SYT2: variants seen among roughly 807,000 people sequenced by gnomAD.
SYT2 encodes synaptotagmin 2, also known as synaptotagmin-2.
Under a neutral mutation model 39.9 loss-of-function variants are expected in SYT2, and 15 were observed. The ratio of observed to expected loss-of-function variants is 0.38; its 90% CI spans 0.25 to 0.58. The LOEUF is 0.58. SYT2 is among the 20% of genes least tolerant of loss of function. The probability of loss-of-function intolerance (pLI) is 0.70; values close to 1 mark genes in which losing one functional copy is unlikely to be tolerated. For synonymous variants in SYT2, 181 were observed against 204.5 expected, an observed-to-expected ratio of 0.89 and a Z score of 0.98; for missense variants, 389 against 530.3, an observed-to-expected ratio of 0.73 and a Z score of 2.62.
At chr1:202,690,594 A>T (rs1486779301) in intron 1 of SYT2, among the ~76,000 whole-genome samples, 1 of 152,232 alleles carries the variant, frequency 6.6e-6, no homozygotes, top group Non-Finnish European at 1.5e-5. Context: ...CTGCTGAGAC[A>T]TGCTCAAGGA....
intron 1 of SYT2, among the ~76,000 whole-genome samples, chr1:202,668,359 G>C (rs1441467724): frequency 6.6e-6 from 1 of 152,194 alleles, no homozygotes; most frequent in East Asian, 1.9e-4. Flanking sequence ...AACAGTATAT[G>C]TGAAAGTGCT....
chr1:202,603,543 C>T (rs2149070091), intron 3 of SYT2, among the ~76,000 whole-genome samples: 1 of 152,270 alleles, frequency 6.6e-6, no homozygotes, highest in African/African-American at 2.4e-5. Flanking sequence ...TCCAGGCAGA[C>T]AGGAGCAGAG....
intron 1 of SYT2, among the ~76,000 whole-genome samples, chr1:202,617,044 C>T (rs749014750): frequency 3.9e-5 from 6 of 152,368 alleles, no homozygotes; most frequent in East Asian, 1.9e-4. Context: ...GCCGAAAGCC[C>T]TAGCGTGGCC....
Position 202,686,713 on chromosome 1 carries a change from C to A in SYT2, c.-18+23545G>T, listed in dbSNP as rs373906432. On this transcript the variant is annotated intron_variant, in intron 1 of 8. Coordinates refer to ENST00000367268, the MANE Select transcript of SYT2 (RefSeq NM_177402.5). ...TTCCTACGTCATTGTCCCAAACAGGCCCCTGATGCTAGCTCTCTGCCTCTT... is the reference window on the plus strand; with the variant it reads ...TTCCTACGTCATTGTCCCAAACAGGACCCTGATGCTAGCTCTCTGCCTCTT... Among the ~76,000 whole-genome samples the A allele has an allele frequency of 5.3e-5, 8 of 152,290 alleles. No individual in the cohort carries two copies. In the East Asian group the frequency reaches 7.7e-4, roughly 15 times the overall value.
In SYT2 at chr1:202,670,744, G is replaced by A. The variant is rs1006560601; in HGVS notation, c.-18+39514C>T. 1.1e-4 allele frequency among the ~76,000 whole-genome samples: 16 copies of A among 152,354 alleles called. No homozygotes were observed. In the East Asian group the frequency reaches 2.9e-3, roughly 27 times the overall value. The stretch of plus-strand genomic sequence containing the variant: ...ATGTTTGAAAGCAGCTGTCAAGGGA[G>A]CAGCATGAAAGGAAGGTGTCCCTGC... On this transcript the variant is annotated intron_variant, in intron 1 of 8. Coordinates refer to ENST00000367268, the MANE Select transcript of SYT2 (RefSeq NM_177402.5).
intron 1 of SYT2, among the ~76,000 whole-genome samples, chr1:202,685,078 C>T (rs989990268): frequency 6.6e-6 from 1 of 152,172 alleles, no homozygotes; most frequent in Non-Finnish European, 1.5e-5. Flanking sequence ...CAGTGGTCGC[C>T]TGTGAGGGGA....
At chr1:202,612,278 T>A (rs1370315956) in intron 1 of SYT2, among the ~76,000 whole-genome samples, 1 of 149,108 alleles carries the variant, frequency 6.7e-6, no homozygotes, top group East Asian at 1.9e-4. Context: ...CCACACTGAT[T>A]TTTTTTTTTA....
chr1:202,678,341 T>C (rs1439225302), intron 1 of SYT2, among the ~76,000 whole-genome samples: 1 of 151,498 alleles, frequency 6.6e-6, no homozygotes, highest in Non-Finnish European at 1.5e-5. Flanking sequence ...TTCTGCTCTG[T>C]TAACCTTTCT....
intron 1 of SYT2, among the ~76,000 whole-genome samples, chr1:202,624,948 GTGTGTGGTGTCTGTGTGTGGCA>G (rs1691334830): frequency 7.2e-6 from 1 of 138,244 alleles, no homozygotes; most frequent in South Asian, 2.5e-4. Flanking sequence ...TTTGTGTAGT[GTGTGTGGTGTCTGTGTGTGGCA>G]TGTGTGGTGT....
chr1:202,629,353 C>T (rs1691507113), intron 1 of SYT2, among the ~76,000 whole-genome samples: 2 of 152,202 alleles, frequency 1.3e-5, no homozygotes, highest in East Asian at 3.9e-4. Context: ...CTCCAGCCCA[C>T]CTTCCCCAAT....
chr1:202,606,331 C>G (rs1445286719), intron 1 of SYT2, among the ~76,000 whole-genome samples: 1 of 152,164 alleles, frequency 6.6e-6, no homozygotes, highest in African/African-American at 2.4e-5. Context: ...GCTAATCACT[C>G]TCCTATATCT....
chr1:202,648,685 G>A (rs1692136826), intron 1 of SYT2, among the ~76,000 whole-genome samples: 1 of 152,186 alleles, frequency 6.6e-6, no homozygotes, highest in African/African-American at 2.4e-5. Context: ...TGGGCTACCT[G>A]GGGGCTAAAG....
intron 1 of SYT2, among the ~76,000 whole-genome samples, chr1:202,694,216 C>T (rs189789641): frequency 3.4e-4 from 52 of 152,288 alleles, no homozygotes; most frequent in African/African-American, 5.8e-4. Context: ...TCCTTAGATG[C>T]CCCTGGGATA....
chr1:202,604,310 A>G (rs1289172419), intron 3 of SYT2, 145 bp downstream of exon 3: 2 of 766,824 alleles, frequency 2.6e-6, no homozygotes, highest in Admixed American at 2.3e-5. Context: ...ACGGTGTTAT[A>G]CTAGAGATGT....
intron 1 of SYT2, among the ~76,000 whole-genome samples, chr1:202,664,306 T>C (rs1412257128): frequency 6.6e-6 from 1 of 152,202 alleles, no homozygotes; most frequent in Non-Finnish European, 1.5e-5. Flanking sequence ...CTTCTTGGGT[T>C]TCCTGCATGC....
intron 1 of SYT2, among the ~76,000 whole-genome samples, chr1:202,645,932 AATTTCACTTG>A: frequency 6.6e-6 from 1 of 152,142 alleles, no homozygotes; most frequent in African/African-American, 2.4e-5. Flanking sequence ...TGATAATCTT[AATTTCACTTG>A]ATTCTTATCA....
At chr1:202,627,274 G>A (rs1052889052) in intron 1 of SYT2, among the ~76,000 whole-genome samples, 3 of 152,196 alleles carry the variant, frequency 2.0e-5, no homozygotes, top group Non-Finnish European at 2.9e-5. Context: ...AGGTGGGAAC[G>A]TGCCTTGTTT....
intron 1 of SYT2, among the ~76,000 whole-genome samples, chr1:202,642,069 T>G (rs1029128601): frequency 2.0e-5 from 3 of 152,166 alleles, no homozygotes; most frequent in African/African-American, 7.2e-5. Flanking sequence ...GGGCAACACC[T>G]GCAGGGTGTT....
intron 1 of SYT2, among the ~76,000 whole-genome samples, chr1:202,696,268 A>G (rs1354021533): frequency 1.3e-5 from 2 of 152,040 alleles, no homozygotes; most frequent in African/African-American, 4.8e-5. Flanking sequence ...GGGGTGGTGT[A>G]ACATATGTAC....
Sources: allele counts gnomAD v4.1 joint callset (sites outside exome capture counted in the v4.1 genomes callset), GRCh38; gene constraint gnomAD v4.1.1; transcripts MANE v1.5; gene names NCBI Gene and HGNC (gene_info 2026-07-23, HGNC 2026-07-21).